TRPM3: variants seen among roughly 807,000 people sequenced by gnomAD.
The protein encoded by TRPM3 is long transient receptor potential channel 3.
A neutral mutation model predicts 181.2 loss-of-function variants in TRPM3; 77 were observed. The observed-to-expected ratio is 0.42, with a 90% CI of 0.35 to 0.51. The LOEUF (loss-of-function observed/expected upper bound fraction) is 0.51, where lower values mean the gene tolerates loss of function less well. Ranked by LOEUF, TRPM3 falls within the 20% of genes least tolerant of loss-of-function variation. The pLI is 0.01. For missense variants in TRPM3, 1,759 were observed against 2,196.7 expected, an observed-to-expected ratio of 0.80 and a Z score of 3.98; for synonymous variants, 745 against 796.4, an observed-to-expected ratio of 0.94 and a Z score of 1.09.
intron 1 of TRPM3, among the ~76,000 whole-genome samples, chr9:71,053,414 A>G (rs1214344055): frequency 6.6e-6 from 1 of 152,078 alleles, no homozygotes; most frequent in Non-Finnish European, 1.5e-5. Context: ...ATGAAAAGGT[A>G]TATTATTAAA....
intron 1 of TRPM3, among the ~76,000 whole-genome samples, chr9:71,335,469 C>T (rs2090487370): frequency 6.6e-6 from 1 of 152,084 alleles, no homozygotes; most frequent in Admixed American, 6.6e-5. Flanking sequence ...AGAACACGCC[C>T]TTATAATCTT....
In TRPM3 at chr9:70,752,005, T is replaced by TATGC. The variant is rs2076223592; in HGVS notation, c.1272+9595_1272+9596insGCAT. 3.6e-5 allele frequency among the ~76,000 whole-genome samples: 3 copies of TATGC among 84,502 alleles called. No homozygotes were observed. In the South Asian group the frequency reaches 1.6e-3, roughly 46 times the overall value. The allele number at this position is 84,502 out of a possible 152,430, so 55.4% of individuals were successfully genotyped here. On this transcript the variant is annotated intron_variant, in intron 8 of 25. Coordinates refer to ENST00000677713, the MANE Select transcript of TRPM3 (RefSeq NM_001366145.2). ...TTTCAATCCACATCTCAACAGTGTG[T>TATGC]GTGTGTGTGTGTGTGTGTGTGTGTG...
intron 1 of TRPM3, among the ~76,000 whole-genome samples, chr9:71,187,254 C>T (rs1023471267): frequency 2.6e-5 from 4 of 151,958 alleles, no homozygotes; most frequent in East Asian, 1.9e-4. Flanking sequence ...AGGAGGTATA[C>T]TGGCATCATA....
At chr9:70,960,591 A>T (rs958797730) in intron 1 of TRPM3, among the ~76,000 whole-genome samples, 3 of 152,278 alleles carry the variant, frequency 2.0e-5, no homozygotes, top group Non-Finnish European at 2.9e-5. Flanking sequence ...GAATACTGGG[A>T]GGCAGGAAAG....
intron 6 of TRPM3, among the ~76,000 whole-genome samples, chr9:70,785,860 G>A (rs13288034): frequency 0.039 from 5,873 of 152,244 alleles, 119 homozygotes; most frequent in Non-Finnish European, 0.047. Context: ...CTTAAAACAC[G>A]TAAAAGAAAA....
intron 6 of TRPM3, among the ~76,000 whole-genome samples, chr9:70,806,226 A>G (rs2090640317): frequency 6.6e-6 from 1 of 152,092 alleles, no homozygotes; most frequent in African/African-American, 2.4e-5. Context: ...TCCAACACAG[A>G]AGGAGAACAG....
chr9:71,099,278 A>G (rs2067874038), intron 1 of TRPM3, among the ~76,000 whole-genome samples: 1 of 152,094 alleles, frequency 6.6e-6, no homozygotes, highest in African/African-American at 2.4e-5. Context: ...AAGGGCACTA[A>G]TATCATTCAG....
At chr9:71,097,261 T>C (rs953221905) in intron 1 of TRPM3, among the ~76,000 whole-genome samples, 3 of 152,118 alleles carry the variant, frequency 2.0e-5, no homozygotes, top group African/African-American at 7.2e-5. Context: ...TTAGGATATA[T>C]GGTATATATA....
intron 1 of TRPM3, among the ~76,000 whole-genome samples, chr9:71,313,555 C>T (rs1292515141): frequency 6.6e-6 from 1 of 152,104 alleles, no homozygotes; most frequent in Non-Finnish European, 1.5e-5. Flanking sequence ...TTATATGACT[C>T]CTGATATCCA....
At chr9:70,951,922 G>A (rs2097005951) in intron 1 of TRPM3, among the ~76,000 whole-genome samples, 1 of 152,178 alleles carries the variant, frequency 6.6e-6, no homozygotes, top group South Asian at 2.1e-4. Flanking sequence ...GGCTGACTCT[G>A]CCAACAATGG....
intron 1 of TRPM3, among the ~76,000 whole-genome samples, chr9:71,445,357 T>A (rs1005375331): frequency 6.6e-6 from 1 of 152,258 alleles, no homozygotes; most frequent in Non-Finnish European, 1.5e-5. Flanking sequence ...ATCTTCAGAT[T>A]AATATTCTTT....
chr9:71,377,659 T>C (rs190142214), intron 1 of TRPM3, among the ~76,000 whole-genome samples: 165 of 152,218 alleles, frequency 1.1e-3, no homozygotes, highest in Non-Finnish European at 1.9e-3. Context: ...AAGTATACTA[T>C]AAGCAGGAAA....
intron 1 of TRPM3, among the ~76,000 whole-genome samples, chr9:70,901,239 A>C (rs1312310445): frequency 6.6e-6 from 1 of 152,214 alleles, no homozygotes; most frequent in Non-Finnish European, 1.5e-5. Flanking sequence ...GAGCCAAAGG[A>C]AACACCTTTG....
At chr9:71,434,030 G>A (rs577994665) in intron 1 of TRPM3, among the ~76,000 whole-genome samples, 40 of 152,072 alleles carry the variant, frequency 2.6e-4, no homozygotes, top group East Asian at 3.9e-4. Context: ...GTGGTGGCGC[G>A]CACCTGTAGT....
intron 5 of TRPM3, among the ~76,000 whole-genome samples, chr9:70,833,045 TA>T (rs1276268892): frequency 6.6e-6 from 1 of 152,238 alleles, no homozygotes; most frequent in Non-Finnish European, 1.5e-5. Flanking sequence ...TTTCCATCTA[TA>T]AATTAGAGGA....
At chr9:71,121,096 G>T in intron 1 of TRPM3, 82 bp downstream of exon 1, 3 of 1,407,888 alleles carry the variant, frequency 2.1e-6, no homozygotes, top group South Asian at 2.6e-5. Flanking sequence ...CCCCAAAGGT[G>T]CGTCCCAGCC....
intron 1 of TRPM3, among the ~76,000 whole-genome samples, chr9:71,182,928 C>T (rs1196349650): frequency 2.6e-5 from 4 of 152,062 alleles, no homozygotes; most frequent in Non-Finnish European, 4.4e-5. Context: ...TCCCAAAGTG[C>T]TGGGATTACA....
intron 1 of TRPM3, among the ~76,000 whole-genome samples, chr9:71,108,845 A>G (rs571217960): frequency 6.6e-6 from 1 of 152,328 alleles, no homozygotes; most frequent in South Asian, 2.1e-4. Context: ...TGTGATAGTT[A>G]ATGTTATATG....
At chr9:71,162,803 C>G (rs1363124965) in intron 1 of TRPM3, among the ~76,000 whole-genome samples, 2 of 152,014 alleles carry the variant, frequency 1.3e-5, no homozygotes, top group Non-Finnish European at 2.9e-5. Context: ...GGAAAGTAAA[C>G]AGATTATTCC....
Sources: gnomAD v4.1 joint callset for allele counts (sites outside exome capture counted in the v4.1 genomes callset) on GRCh38, gnomAD v4.1.1 for gene constraint, MANE v1.5 for transcripts, NCBI Gene and HGNC (gene_info 2026-07-23, HGNC 2026-07-21) for gene names.